Variants in PRKCE observed in about 807,000 individuals in gnomAD.
PRKCE encodes the protein protein kinase C epsilon type.
A neutral mutation model predicts 85.4 loss-of-function variants in PRKCE; 16 were observed. The observed-to-expected ratio is 0.19, with a 90% CI of 0.13 to 0.28. The LOEUF is 0.28. Ranked by LOEUF, PRKCE falls within the 10% of genes least tolerant of loss-of-function variation. The pLI is 1.00. For missense variants in PRKCE, 573 were observed against 975.2 expected (o/e 0.59, Z 5.49); for synonymous variants, 388 against 371.5 (o/e 1.04, Z -0.51).
chr2:45,721,399 G>A (rs1680606525), intron 1 of PRKCE, among the ~76,000 whole-genome samples: 1 of 152,180 alleles, frequency 6.6e-6, no homozygotes, highest in African/African-American at 2.4e-5. Context: ...GGCAGTGTCT[G>A]ATGAAATGCT....
chr2:46,004,883 G>T lies in PRKCE; in HGVS notation c.1063+245G>T, dbSNP rs557353320. On this transcript the variant is annotated intron_variant, in intron 8 of 14. Coordinates refer to ENST00000306156, the MANE Select transcript of PRKCE (RefSeq NM_005400.3). This position sits in a 1 kb window ranked among gnomAD's most constrained non-coding sequence, Gnocchi z 4.1. ...TTCCAGGCCAGGGTAAGAGGAGAGC[G>T]AGTGTATGATGTTATGGTTATCTGT... is the stretch of plus-strand genomic sequence containing the variant. Among the ~76,000 whole-genome samples, 2 of 152,042 alleles carry T rather than the reference G, an allele frequency of 1.3e-5. No individual in the cohort carries two copies. The highest frequency in any genetic ancestry group is 2.1e-4 in the South Asian group (1 of 4,818).
In PRKCE at chr2:45,906,437, A is replaced by G. The variant is rs192675332; in HGVS notation, c.412+63374A>G. Among the ~76,000 whole-genome samples, 31 of 152,386 alleles carry G rather than the reference A, an allele frequency of 2.0e-4. No individual in the cohort carries two copies. The East Asian group carries it at 5.6e-3, about 27-fold the overall frequency. On this transcript the variant is annotated intron_variant, in intron 2 of 14. Coordinates refer to ENST00000306156, the MANE Select transcript of PRKCE (RefSeq NM_005400.3). ...AGACTTAAAGTTGTACATTTACTAA[A>G]GCAAAAACGGAACACCCACAGTTAA...
intron 14 of PRKCE, among the ~76,000 whole-genome samples, chr2:46,161,151 T>A (rs991168183): frequency 6.6e-6 from 1 of 152,200 alleles, no homozygotes; most frequent in Non-Finnish European, 1.5e-5. Context: ...GGGTTAACTG[T>A]CCCCTGCTGC....
chr2:46,171,313 G>A (rs527949943), intron 14 of PRKCE, among the ~76,000 whole-genome samples: 108 of 152,242 alleles, frequency 7.1e-4, no homozygotes, highest in African/African-American at 2.4e-3. Flanking sequence ...TAATGTCTAC[G>A]AAATAACCCC....
At chr2:46,078,378 A>G (rs1243521749) in intron 10 of PRKCE, 1 of 151,838 alleles carries the variant, frequency 6.6e-6, no homozygotes, top group Non-Finnish European at 1.5e-5. Flanking sequence ...CTCTAAAAAA[A>G]AAAAAAAAAA....
chr2:45,815,265 C>T (rs1007988379), intron 1 of PRKCE, among the ~76,000 whole-genome samples: 3 of 152,132 alleles, frequency 2.0e-5, no homozygotes, highest in Admixed American at 1.3e-4. Flanking sequence ...AATGTTTATC[C>T]AGAAATAATT....
intron 6 of PRKCE, among the ~76,000 whole-genome samples, chr2:45,993,946 ACC>A (rs546139450): frequency 8.3e-4 from 125 of 151,154 alleles, no homozygotes; most frequent in Middle Eastern, 3.4e-3. Flanking sequence ...ACCTCACCCC[ACC>A]CCCACCTTTA....
At chr2:46,131,910 C>A (rs1016220654) in intron 11 of PRKCE, among the ~76,000 whole-genome samples, 15 of 152,154 alleles carry the variant, frequency 9.9e-5, no homozygotes, top group African/African-American at 3.6e-4. Flanking sequence ...ACTGGGCAGA[C>A]CCTGATACAC....
chr2:45,918,132 G>A (rs913437857), intron 2 of PRKCE, among the ~76,000 whole-genome samples: 3 of 152,252 alleles, frequency 2.0e-5, no homozygotes, highest in Non-Finnish European at 4.4e-5. Context: ...AGAGTGCAGT[G>A]GTGGGCTGAA....
chr2:45,947,205 G>A (rs1700299270), intron 2 of PRKCE, among the ~76,000 whole-genome samples: 2 of 152,222 alleles, frequency 1.3e-5, no homozygotes, highest in Non-Finnish European at 1.5e-5. Context: ...CTGAGTGAAA[G>A]ATGCCAGTTG....
At chr2:46,016,923 A>G (rs1187491235) in intron 10 of PRKCE, among the ~76,000 whole-genome samples, 12 of 150,832 alleles carry the variant, frequency 8.0e-5, no homozygotes, top group South Asian at 2.1e-4. Context: ...AAAAAAAAAA[A>G]AAAGAAAGAA....
chr2:46,030,410 C>G (rs560415042), intron 10 of PRKCE, among the ~76,000 whole-genome samples: 1 of 152,276 alleles, frequency 6.6e-6, no homozygotes, highest in Non-Finnish European at 1.5e-5. Context: ...CCCAGAATAC[C>G]CCAAGTAGTG....
intron 8 of PRKCE, among the ~76,000 whole-genome samples, chr2:46,006,216 T>A (rs1705186701): frequency 1.3e-5 from 2 of 152,222 alleles, no homozygotes; most frequent in South Asian, 4.1e-4. Flanking sequence ...TAAAGACACA[T>A]AGAAAAACCT....
intron 14 of PRKCE, among the ~76,000 whole-genome samples, chr2:46,179,130 A>G (rs1679718513): frequency 6.6e-6 from 1 of 152,188 alleles, no homozygotes; most frequent in Non-Finnish European, 1.5e-5. Context: ...TAAGGCAGCC[A>G]CATGAAAGCT....
chr2:45,664,471 G>C (rs1389480926), intron 1 of PRKCE, among the ~76,000 whole-genome samples: 1 of 152,236 alleles, frequency 6.6e-6, no homozygotes, highest in Non-Finnish European at 1.5e-5. Context: ...TTGTGCTTCT[G>C]TTTGGGGATT....
chr2:45,969,136 TTGGGGTTAC>T (rs1215477278), intron 2 of PRKCE, among the ~76,000 whole-genome samples: 6 of 150,912 alleles, frequency 4.0e-5, no homozygotes, highest in Non-Finnish European at 8.9e-5. Flanking sequence ...TTGTTGGAGG[TTGGGGTTAC>T]TGTGAATCTT....
At chr2:45,840,091 T>C (rs1486684018) in intron 1 of PRKCE, among the ~76,000 whole-genome samples, 1 of 152,202 alleles carries the variant, frequency 6.6e-6, no homozygotes, top group Non-Finnish European at 1.5e-5. Context: ...GAAGCCCATC[T>C]CATTCCTTTG....
chr2:46,023,217 A>G (rs1317321826), intron 10 of PRKCE, among the ~76,000 whole-genome samples: 2 of 152,154 alleles, frequency 1.3e-5, no homozygotes, highest in African/African-American at 2.4e-5. Flanking sequence ...TGTGAAACAG[A>G]ATTGAGACTA....
intron 10 of PRKCE, among the ~76,000 whole-genome samples, chr2:46,074,318 C>A (rs111684611): frequency 1.3e-5 from 2 of 151,214 alleles, no homozygotes; most frequent in Non-Finnish European, 2.9e-5. Flanking sequence ...TTCCCTGAAT[C>A]GGCTGGTCAT....
Sources: gnomAD v4.1 joint callset for allele counts (sites outside exome capture counted in the v4.1 genomes callset) on GRCh38, gnomAD v4.1.1 for gene constraint, Gnocchi (gnomAD v3.1) non-coding constraint, MANE v1.5 for transcripts, NCBI Gene and HGNC (gene_info 2026-07-23, HGNC 2026-07-21) for gene names.